Variants in EHF observed in about 807,000 individuals in gnomAD.
The protein encoded by EHF is ESE3 transcription factor.
In EHF, 14 loss-of-function variants were observed where a neutral mutation model predicts 45.1. That is an observed-to-expected ratio of 0.31 (90% CI 0.21 to 0.49). EHF has a LOEUF of 0.49. Among genes scored for constraint, EHF ranks in the 20% least tolerant of loss-of-function variants. EHF has a pLI of 0.99. For synonymous variants in EHF, 136 were observed against 131.8 expected (o/e 1.03, Z -0.22); for missense variants, 282 against 371.4 (o/e 0.76, Z 1.98).
At chr11:34,647,162 T>C (rs1416166869) in intron 3 of EHF, among the ~76,000 whole-genome samples, 1 of 150,486 alleles carries the variant, frequency 6.6e-6, no homozygotes, top group East Asian at 2.0e-4. Flanking sequence ...TAAGAAGATA[T>C]ATGAAATTAG....
rs185964526 is a variant in EHF at position 34,661,691 on chromosome 11, C to T, written c.*2760C>T. 6.6e-6 allele frequency among the ~76,000 whole-genome samples: 1 copy of T among 152,232 alleles called. No homozygotes were observed. Among genetic ancestry groups the T allele is most frequent in the African/African-American group, 2.4e-5 (1 of 41,552 alleles). ...ACTTGGGGTGGTAACAGAGTACTTC[C>T]CACCACAGTGTTGAAAGGGAGAGCA... On this transcript the variant is annotated 3_prime_UTR_variant, in exon 9 of 9. Coordinates refer to ENST00000257831, the MANE Select transcript of EHF (RefSeq NM_012153.6).
intron 5 of EHF, 28 bp from the exon 6 acceptor site, chr11:34,651,709 A>C: frequency 6.2e-7 from 1 of 1,613,542 alleles, no homozygotes; most frequent in Non-Finnish European, 8.5e-7. Context: ...GGGTGCTCTA[A>C]ATGTCCTTTA....
intron 4 of EHF, 128 bp downstream of exon 4, chr11:34,649,209 T>C: frequency 3.4e-6 from 3 of 886,634 alleles, no homozygotes; most frequent in Non-Finnish European, 5.4e-6. Context: ...TTTCCCTGGC[T>C]GTCTCTGATG....
At chr11:34,635,177 C>T (rs868000966) in intron 1 of EHF, among the ~76,000 whole-genome samples, 1 of 152,070 alleles carries the variant, frequency 6.6e-6, no homozygotes, top group Admixed American at 6.6e-5. Flanking sequence ...GTGTTTAATC[C>T]TGAGTCTCAG....
At chr11:34,646,078 G>T (rs1448684867) in intron 2 of EHF, among the ~76,000 whole-genome samples, 1 of 151,420 alleles carries the variant, frequency 6.6e-6, no homozygotes. Context: ...ATGTATAAGA[G>T]AGAAAAAATG....
At chr11:34,628,992 T>C (rs1852627555) in intron 1 of EHF, among the ~76,000 whole-genome samples, 1 of 152,200 alleles carries the variant, frequency 6.6e-6, no homozygotes, top group African/African-American at 2.4e-5. Flanking sequence ...GCAAATGATG[T>C]AGCTGGTCCT....
At chr11:34,654,842 T>C (rs1341125673) in intron 6 of EHF, among the ~76,000 whole-genome samples, 1 of 152,218 alleles carries the variant, frequency 6.6e-6, no homozygotes, top group African/African-American at 2.4e-5. Context: ...GAGGCCAATA[T>C]ACTGAGAGAC....
intron 6 of EHF, among the ~76,000 whole-genome samples, chr11:34,653,519 T>C (rs772360085): frequency 4.6e-5 from 7 of 152,214 alleles, no homozygotes; most frequent in Non-Finnish European, 1.0e-4. Context: ...CTTCTCTCCT[T>C]ACCCTTCTGA....
chr11:34,637,922 G>A (rs1360419736), intron 1 of EHF, among the ~76,000 whole-genome samples: 1 of 144,462 alleles, frequency 6.9e-6, no homozygotes, highest in South Asian at 2.2e-4. Flanking sequence ...TCCTTTTTGA[G>A]TCAGAGTCTC....
chr11:34,636,760 C>T (rs781724806), intron 1 of EHF, among the ~76,000 whole-genome samples: 28 of 152,268 alleles, frequency 1.8e-4, no homozygotes, highest in Admixed American at 4.6e-4. Context: ...CGGCCGGGCC[C>T]GGTGGCTCAC....
intron 2 of EHF, among the ~76,000 whole-genome samples, chr11:34,644,486 G>A (rs987664655): frequency 6.6e-6 from 1 of 152,186 alleles, no homozygotes; most frequent in Non-Finnish European, 1.5e-5. Context: ...TAGAGCCCAC[G>A]TTGTGGGCCA....
intron 1 of EHF, among the ~76,000 whole-genome samples, chr11:34,633,921 T>G (rs1488299348): frequency 6.6e-6 from 1 of 152,120 alleles, no homozygotes; most frequent in African/African-American, 2.4e-5. Flanking sequence ...GTCAATAAAG[T>G]GTACCTATAA....
intron 3 of EHF, among the ~76,000 whole-genome samples, chr11:34,647,803 C>A (rs564178962): frequency 1.4e-3 from 212 of 152,312 alleles, no homozygotes; most frequent in Non-Finnish European, 2.5e-3. Context: ...TGCTTCCCAC[C>A]CACCTCACAT....
rs1159891517 is a variant in EHF at position 34,662,304 on chromosome 11, A to T, written c.*3373A>T. Among the ~76,000 whole-genome samples, 1 of 151,850 alleles carries T rather than the reference A, an allele frequency of 6.6e-6. No homozygotes were observed. Among genetic ancestry groups the T allele is most frequent in the Non-Finnish European group, 1.5e-5 (1 of 67,830 alleles). ...CACAACCTTCAAGGACATATTATCT[A>T]CTATGAACATTTTACTGTGAGACTC... On this transcript the variant is annotated 3_prime_UTR_variant, in exon 9 of 9. Transcript: ENST00000257831.
intron 1 of EHF, among the ~76,000 whole-genome samples, chr11:34,641,119 A>G (rs1853958121): frequency 1.3e-5 from 2 of 152,042 alleles, no homozygotes; most frequent in East Asian, 1.9e-4. Flanking sequence ...CAGTCCTCCT[A>G]TCTTCCCACC....
At chr11:34,634,381 C>T (rs1758210311) in intron 1 of EHF, among the ~76,000 whole-genome samples, 1 of 152,188 alleles carries the variant, frequency 6.6e-6, no homozygotes, top group Admixed American at 6.5e-5. Flanking sequence ...ACTAATTGCT[C>T]CTTTGGCTTC....
Position 34,648,961 on chromosome 11 carries a change from G to T in EHF, c.344-58G>T. 2 of 1,510,180 alleles carry T rather than the reference G, an allele frequency of 1.3e-6. 1 individual carries two copies. The highest frequency in any genetic ancestry group is 2.3e-5 in the South Asian group (2 of 86,668). The allele number at this position is 1,510,180 out of a possible 1,614,324, so 93.5% of individuals were successfully genotyped here. ...AGATGCCAGTTCTGTCCTTATTTAA[G>T]CATCCAGTTCTGGCTCCATCTGGGC... On this transcript the variant is annotated intron_variant, in intron 3 of 8. Transcript: ENST00000257831.
chr11:34,646,527 C>G lies in EHF; in HGVS notation c.186C>G (p.Leu62=). The G allele has an allele frequency of 6.2e-7, 1 of 1,614,046 alleles. No homozygotes were observed. The highest frequency in any genetic ancestry group is 1.1e-5 in the South Asian group (1 of 91,062). Residue 62 remains leucine (L), a synonymous_variant, in exon 3 of 9, where the codon CTC becomes CTG. Coordinates refer to ENST00000257831, the MANE Select transcript of EHF (RefSeq NM_012153.6). ...AGGTGTGGGAGTGGCTCCAGCACCT[C>G]CTGGACACCAACCAGCTGGATGCCA... is the stretch of plus-strand genomic sequence containing the variant. The part of the protein sequence containing the change: ...KYQVWEWLQH[L]LDTNQLDANC...
chr11:34,636,134 A>G (rs1202545328), intron 1 of EHF, among the ~76,000 whole-genome samples: 1 of 152,218 alleles, frequency 6.6e-6, no homozygotes, highest in Non-Finnish European at 1.5e-5. Flanking sequence ...AATAAAAACT[A>G]CAAGTATGAT....
Sources: allele counts gnomAD v4.1 joint callset (sites outside exome capture counted in the v4.1 genomes callset), GRCh38; gene constraint gnomAD v4.1.1; transcripts MANE v1.5; gene names NCBI Gene and HGNC (gene_info 2026-07-23, HGNC 2026-07-21).